TMEM131L: variants seen among roughly 807,000 people sequenced by gnomAD.
TMEM131L encodes the protein transmembrane 131 like, also known as transmembrane protein 131-like.
Under a neutral mutation model 192.2 loss-of-function variants are expected in TMEM131L, and 54 were observed. That is an observed-to-expected ratio of 0.28 (90% confidence interval 0.23 to 0.35). The LOEUF is 0.35. Ranked by LOEUF, TMEM131L falls within the 10% of genes least tolerant of loss-of-function variation. The probability of loss-of-function intolerance (pLI) is 1.00; values close to 1 mark genes in which losing one functional copy is unlikely to be tolerated. For missense variants in TMEM131L, 1,888 were observed against 1,972.9 expected (o/e 0.96, Z 0.82); for synonymous variants, 701 against 704.9 (o/e 0.99, Z 0.09).
At chr4:153,611,293 G>A (rs1469210047) in intron 25 of TMEM131L, among the ~76,000 whole-genome samples, 2 of 152,216 alleles carry the variant, frequency 1.3e-5, no homozygotes, top group Non-Finnish European at 2.9e-5. Flanking sequence ...TCAAACAAGA[G>A]AGGCAAGGAA....
intron 30 of TMEM131L, among the ~76,000 whole-genome samples, chr4:153,626,990 G>A (rs914182843): frequency 6.6e-6 from 1 of 152,194 alleles, no homozygotes; most frequent in Non-Finnish European, 1.5e-5. Context: ...GACGAGGAGC[G>A]TGGGTAAGAA....
intron 29 of TMEM131L, 98 bp from the exon 30 acceptor site, chr4:153,626,049 A>T: frequency 1.5e-6 from 1 of 681,802 alleles, no homozygotes; most frequent in Non-Finnish European, 2.6e-6. Context: ...AAAATCAGTC[A>T]TGCATTAATG....
At chr4:153,550,596 GATTA>G (rs1342598849) in intron 4 of TMEM131L, among the ~76,000 whole-genome samples, 1 of 152,182 alleles carries the variant, frequency 6.6e-6, no homozygotes, top group Non-Finnish European at 1.5e-5. Context: ...AAAGTGCTGG[GATTA>G]CAGGCGCGAG....
intron 5 of TMEM131L, 39 bp from the exon 6 acceptor site, chr4:153,556,927 A>G (rs1728504045): frequency 2.2e-6 from 2 of 891,620 alleles, no homozygotes; most frequent in Non-Finnish European, 3.7e-6. Flanking sequence ...TTATCAAAGG[A>G]GGCCATTCCA....
intron 19 of TMEM131L, among the ~76,000 whole-genome samples, chr4:153,595,844 G>C (rs776682961): frequency 1.3e-5 from 2 of 152,064 alleles, no homozygotes; most frequent in African/African-American, 4.8e-5. Flanking sequence ...TCAGTATAAA[G>C]AATTTATATA....
At chr4:153,488,887 C>T (rs945649232) in intron 3 of TMEM131L, among the ~76,000 whole-genome samples, 4 of 152,144 alleles carry the variant, frequency 2.6e-5, no homozygotes, top group East Asian at 1.9e-4. Context: ...CTTGCAGCTG[C>T]GGCACTCCAG....
chr4:153,593,926 C>T, intron 19 of TMEM131L, 55 bp downstream of exon 19: 2 of 1,100,640 alleles, frequency 1.8e-6, no homozygotes, highest in Admixed American at 3.4e-5. Flanking sequence ...GACACATGAG[C>T]ATACGGGCCT....
At chr4:153,568,520 CTTTTGT>C (rs1169625042) in intron 7 of TMEM131L, among the ~76,000 whole-genome samples, 3 of 152,130 alleles carry the variant, frequency 2.0e-5, no homozygotes, top group African/African-American at 7.2e-5. Context: ...TACTCAAAAG[CTTTTGT>C]TTTTATGAAT....
intron 25 of TMEM131L, 86 bp from the exon 26 acceptor site, chr4:153,612,166 A>G (rs1273204482): frequency 8.3e-6 from 8 of 966,818 alleles, no homozygotes; most frequent in Non-Finnish European, 1.2e-5. Flanking sequence ...TCATGAAGTC[A>G]AATTAGATGT....
At chr4:153,545,290 C>CTGTTTTTTTTTTTTTTTTT (rs1680483761) in intron 3 of TMEM131L, among the ~76,000 whole-genome samples, 1 of 132,326 alleles carries the variant, frequency 7.6e-6, no homozygotes, top group African/African-American at 3.0e-5. Context: ...CTTTTTCAAA[C>CTGTTTTTTTTTTTTTTTTT]TTTTTTTTTT....
intron 16 of TMEM131L, 79 bp downstream of exon 16, chr4:153,589,086 C>T: frequency 1.3e-6 from 1 of 751,098 alleles, no homozygotes; most frequent in Non-Finnish European, 2.3e-6. Flanking sequence ...TGCGGGGACA[C>T]ATTCTAAGAC....
intron 12 of TMEM131L, 97 bp from the exon 13 acceptor site, chr4:153,585,361 T>G (rs982369094): frequency 1.1e-4 from 129 of 1,215,540 alleles, no homozygotes; most frequent in Non-Finnish European, 1.4e-4. Context: ...TTTAGTAACG[T>G]TTTATGATGC....
chr4:153,559,632 C>G (rs1030256332), intron 7 of TMEM131L, among the ~76,000 whole-genome samples: 1 of 152,118 alleles, frequency 6.6e-6, no homozygotes, highest in African/African-American at 2.4e-5. Context: ...GCAGATCCTG[C>G]GTACTTCTCA....
chr4:153,466,828 C>T (rs962459440), intron 1 of TMEM131L, among the ~76,000 whole-genome samples: 2 of 152,112 alleles, frequency 1.3e-5, no homozygotes, highest in African/African-American at 4.8e-5. Flanking sequence ...TTGTGTGGCG[C>T]GCGCGGGTGC....
At chr4:153,477,926 T>G (rs1731666141) in intron 3 of TMEM131L, among the ~76,000 whole-genome samples, 1 of 152,198 alleles carries the variant, frequency 6.6e-6, no homozygotes. Flanking sequence ...GAAGAACATT[T>G]TGTCTTCCCG....
intron 1 of TMEM131L, 81 bp from the exon 2 acceptor site, chr4:153,467,130 C>A: frequency 3.0e-6 from 4 of 1,334,358 alleles, no homozygotes; most frequent in South Asian, 1.3e-5. Context: ...AGGCGGGGGG[C>A]ACGGAGGGAC....
At chr4:153,614,684 G>C (rs1732855468) in intron 26 of TMEM131L, among the ~76,000 whole-genome samples, 1 of 150,620 alleles carries the variant, frequency 6.6e-6, no homozygotes, top group Non-Finnish European at 1.5e-5. Flanking sequence ...TTGAATGAAT[G>C]TGAATATAAG....
chr4:153,548,932 G>A lies in TMEM131L; in HGVS notation c.240-1141G>A, dbSNP rs149911567. Among the ~76,000 whole-genome samples, 502 of 152,126 alleles carry A rather than the reference G, an allele frequency of 3.3e-3. 2 individuals carry two copies. The highest frequency in any genetic ancestry group is 0.012 in the African/African-American group (478 of 41,484). Reference sequence around the variant, plus strand: ...AGCTTGGTTGATGGCTGCTCGGTGGGAGGAGAAAATGGAAAGATTCTATTT... The same window carrying A: ...AGCTTGGTTGATGGCTGCTCGGTGGAAGGAGAAAATGGAAAGATTCTATTT... On this transcript the variant is annotated intron_variant, in intron 3 of 34. Coordinates refer to ENST00000409959, the MANE Select transcript of TMEM131L (RefSeq NM_001131007.2).
At chr4:153,500,865 G>A (rs1327197540) in intron 3 of TMEM131L, among the ~76,000 whole-genome samples, 1 of 152,068 alleles carries the variant, frequency 6.6e-6, no homozygotes, top group Admixed American at 6.5e-5. Context: ...AAAATCGATG[G>A]AATGACTACA....
Sources: allele counts gnomAD v4.1 joint callset (sites outside exome capture counted in the v4.1 genomes callset), GRCh38; gene constraint gnomAD v4.1.1; transcripts MANE v1.5; gene names NCBI Gene and HGNC (gene_info 2026-07-23, HGNC 2026-07-21).